Variants in ESCO2 observed in about 807,000 individuals in gnomAD.
ESCO2 encodes N-acetyltransferase ESCO2.
ESCO2 carries 51 observed loss-of-function variants against 61.7 expected under a neutral mutation model. The ratio of observed to expected loss-of-function variants is 0.83; its 90% CI spans 0.66 to 1.04. The LOEUF (loss-of-function observed/expected upper bound fraction) is 1.04, where lower values mean the gene tolerates loss of function less well. Among genes scored for constraint, ESCO2 ranks in the 50% least tolerant of loss-of-function variants. The pLI, the probability that ESCO2 is intolerant of heterozygous loss-of-function variation, is 0.00. For missense variants in ESCO2, 692 were observed against 686.2 expected, an observed-to-expected ratio of 1.01 and a Z score of -0.09; for synonymous variants, 230 against 238.2, an observed-to-expected ratio of 0.97 and a Z score of 0.32.
intron 9 of ESCO2, among the ~76,000 whole-genome samples, chr8:27,798,770 T>G (rs1190032817): frequency 6.6e-6 from 1 of 152,144 alleles, no homozygotes; most frequent in Admixed American, 6.5e-5. Flanking sequence ...AAAGCCAATC[T>G]CAAAAGGTCA....
chr8:27,780,331 T>C, intron 4 of ESCO2, 64 bp downstream of exon 4: 1 of 1,048,360 alleles, frequency 9.5e-7, no homozygotes, highest in East Asian at 2.4e-5. Flanking sequence ...CATTATACAA[T>C]AATAATTCTT....
downstream of ESCO2, chr8:27,810,377 T>C (rs1805649676): frequency 2.5e-6 from 4 of 1,611,286 alleles, no homozygotes; most frequent in Middle Eastern, 1.7e-4. Flanking sequence ...CATTAGTGCA[T>C]ACAGAGAAGA....
At chr8:27,815,159 A>AAAAG (rs947158175), downstream of ESCO2, among the ~76,000 whole-genome samples, 3 of 152,102 alleles carry the variant, frequency 2.0e-5, no homozygotes, top group African/African-American at 7.2e-5. Flanking sequence ...CTTTACAAGG[A>AAAAG]AAAGAGGATG....
At chr8:27,772,943 A>C (rs1387008562), upstream of ESCO2, among the ~76,000 whole-genome samples, 1 of 151,696 alleles carries the variant, frequency 6.6e-6, no homozygotes, top group African/African-American at 2.4e-5. Flanking sequence ...GATACTCACC[A>C]GGACAATATG....
At chr8:27,799,793 G>A (rs916703321) in intron 10 of ESCO2, 77 bp downstream of exon 10, 40 of 1,529,786 alleles carry the variant, frequency 2.6e-5, no homozygotes, top group Non-Finnish European at 3.6e-5. Flanking sequence ...CTGAGCTAAA[G>A]GGAAGGATAT....
intron 7 of ESCO2, among the ~76,000 whole-genome samples, chr8:27,790,687 C>G (rs1461878766): frequency 6.6e-6 from 1 of 152,114 alleles, no homozygotes; most frequent in Non-Finnish European, 1.5e-5. Flanking sequence ...TATATTTAGA[C>G]ATTTAATCCA....
At chr8:27,807,055 T>G (rs4732605), downstream of ESCO2, among the ~76,000 whole-genome samples, 2 of 152,118 alleles carry the variant, frequency 1.3e-5, no homozygotes, top group African/African-American at 4.8e-5. Flanking sequence ...TATTTCTATC[T>G]ACATAATATC....
At position 27,799,599 on chromosome 8, in the gene ESCO2, C is replaced by G; in HGVS notation, c.1556C>G (p.Pro519Arg). Reference protein sequence around the residue: ...GPESPSSTECPRAWQCSDVPE... With the variant: ...GPESPSSTECRRAWQCSDVPE... Reference sequence around the variant, plus strand: ...GAATCCCCAAGCTCTACGGAATGTCCTAGGGCTTGGCAATGTTCAGATGTA... The same window carrying G: ...GAATCCCCAAGCTCTACGGAATGTCGTAGGGCTTGGCAATGTTCAGATGTA... The change falls in exon 10 of 11, where the codon CCT becomes CGT. Residue 519 changes from proline (P) to arginine (R), a missense_variant. Pro to Arg is a moderately radical substitution (Grantham distance 103). Coordinates refer to ENST00000305188, the MANE Select transcript of ESCO2 (RefSeq NM_001017420.3). 1 of 1,613,842 alleles carries G rather than the reference C, an allele frequency of 6.2e-7. No homozygotes were observed. The highest frequency in any genetic ancestry group is 1.3e-5 in the African/African-American group (1 of 74,926).
chr8:27,803,847 GC>G lies in ESCO2; in HGVS notation c.*410del. 2.0e-6 allele frequency: 2 copies of G among 989,522 alleles called. No individual in the cohort carries two copies. Among genetic ancestry groups the G allele is most frequent in the Non-Finnish European group, 2.4e-6 (2 of 833,066 alleles). The allele number at this position is 989,522 out of a possible 1,614,324, so 61.3% of individuals were successfully genotyped here. On this transcript the variant is annotated 3_prime_UTR_variant, in exon 11 of 11. Coordinates refer to ENST00000305188, the MANE Select transcript of ESCO2 (RefSeq NM_001017420.3). ...CTAATGCCACATCAGAAGCAAACAG[GC>G]AAATTTAAACTTGGGCAAGTAATTT...
At chr8:27,812,987 T>C (rs1226767450), downstream of ESCO2, among the ~76,000 whole-genome samples, 2 of 152,212 alleles carry the variant, frequency 1.3e-5, no homozygotes, top group African/African-American at 2.4e-5. Context: ...CCCAAAGGAT[T>C]AGAAATCATG....
rs749174202 is a variant in ESCO2 at position 27,776,699 on chromosome 8, G to A, written c.391G>A (p.Val131Ile). The A allele has an allele frequency of 1.2e-6, 2 of 1,613,748 alleles. No individual in the cohort carries two copies. Among genetic ancestry groups the A allele is most frequent in the East Asian group, 2.2e-5 (1 of 44,866 alleles). The change falls in exon 3 of 11, where the codon GTC becomes ATC. Residue 131 changes from valine to isoleucine, a missense_variant. By Grantham distance (29) the Val-to-Ile change is conservative. Coordinates refer to ENST00000305188, the MANE Select transcript of ESCO2 (RefSeq NM_001017420.3). Reference protein sequence around the residue: ...IVTEKMQGKPVCSKKNNKKPQ... With the variant: ...IVTEKMQGKPICSKKNNKKPQ... ...GACAGAAAAAATGCAAGGAAAACCA[G>A]TCTGCTCCAAGAAGAACAACAAAAA...
At position 27,780,337 on chromosome 8, in the gene ESCO2, T is replaced by C. The variant is rs992776245; in HGVS notation, c.955+70T>C. ...TATTACATACATTATACAATAATAA[T>C]TCTTGTAATTTCTGGGTCTTTCTTT... On this transcript the variant is annotated intron_variant, in intron 4 of 10. Coordinates refer to ENST00000305188, the MANE Select transcript of ESCO2 (RefSeq NM_001017420.3). The C allele has an allele frequency of 1.8e-5, 18 of 1,006,922 alleles. No homozygotes were observed. In the Admixed American group the frequency reaches 2.9e-4, roughly 16 times the overall value. 62.4% of individuals were successfully genotyped at this position (1,006,922 alleles called of 1,614,324 possible).
rs1020836528 is a variant in ESCO2 at position 27,804,972 on chromosome 8, A to C, written c.*1534A>C. The C allele has an allele frequency of 2.3e-5, 7 of 306,104 alleles. No individual in the cohort carries two copies. Among genetic ancestry groups the C allele is most frequent in the Non-Finnish European group, 3.3e-5 (7 of 209,642 alleles). 19.0% of individuals were successfully genotyped at this position (306,104 alleles called of 1,614,324 possible). On this transcript the variant is annotated 3_prime_UTR_variant, in exon 11 of 11. Coordinates refer to ENST00000305188, the MANE Select transcript of ESCO2 (RefSeq NM_001017420.3). ...TAAATAAAATTCAGATAATACAGAAATAGAGATTGCCAAAAGAAGAGGCTT... is the reference window on the plus strand; with the variant it reads ...TAAATAAAATTCAGATAATACAGAACTAGAGATTGCCAAAAGAAGAGGCTT...
chr8:27,801,697 A>C (rs1351990913), intron 10 of ESCO2, among the ~76,000 whole-genome samples: 1 of 152,148 alleles, frequency 6.6e-6, no homozygotes, highest in African/African-American at 2.4e-5. Flanking sequence ...GAACAAGAGT[A>C]GTAGGAAGCC....
chr8:27,785,344 T>C (rs1805015488), intron 5 of ESCO2, among the ~76,000 whole-genome samples: 1 of 152,210 alleles, frequency 6.6e-6, no homozygotes, highest in African/African-American at 2.4e-5. Context: ...TTGGGGGACG[T>C]GTTCAAACCA....
chr8:27,817,163 C>G (rs1284022894), downstream of ESCO2, among the ~76,000 whole-genome samples: 2 of 152,118 alleles, frequency 1.3e-5, no homozygotes, highest in Non-Finnish European at 2.9e-5. Context: ...CAACACATTT[C>G]CCACACGCTT....
Position 27,803,909 on chromosome 8 carries a change from T to A in ESCO2, c.*471T>A, listed in dbSNP as rs201762904. The stretch of plus-strand genomic sequence containing the variant: ...TTTGTAAAGGGAATTCCTGAATTTT[T>A]TTTTTTTTTTAATAGAGGCATGGGT... On this transcript the variant is annotated 3_prime_UTR_variant, in exon 11 of 11. Coordinates refer to ENST00000305188, the MANE Select transcript of ESCO2 (RefSeq NM_001017420.3). 103,885 of 991,426 alleles carry A rather than the reference T, an allele frequency of 0.1. 5,709 individuals are homozygous for A. The highest frequency in any genetic ancestry group is 0.35 in the East Asian group (3,133 of 8,850). The allele number at this position is 991,426 out of a possible 1,614,324, so 61.4% of individuals were successfully genotyped here.
downstream of ESCO2, among the ~76,000 whole-genome samples, chr8:27,813,324 A>C (rs1805734734): frequency 6.6e-6 from 1 of 151,946 alleles, no homozygotes; most frequent in South Asian, 2.1e-4. Flanking sequence ...GTCATGGGGT[A>C]GGGGGGAGGG....
At chr8:27,780,609 A>G (rs1804904695) in intron 4 of ESCO2, among the ~76,000 whole-genome samples, 1 of 152,212 alleles carries the variant, frequency 6.6e-6, no homozygotes, top group South Asian at 2.1e-4. Flanking sequence ...AGTTAAAACT[A>G]TTATGTATAT....
Sources: allele counts gnomAD v4.1 joint callset (sites outside exome capture counted in the v4.1 genomes callset), GRCh38; gene constraint gnomAD v4.1.1; transcripts MANE v1.5; gene names NCBI Gene and HGNC (gene_info 2026-07-23, HGNC 2026-07-21).